Variants in FBXL17 observed in about 807,000 individuals in gnomAD.
FBXL17 encodes F-box/LRR-repeat protein 17.
In FBXL17, 22 loss-of-function variants were observed where a neutral mutation model predicts 66.2. That is an observed-to-expected ratio of 0.33 (90% CI 0.24 to 0.47). The LOEUF is 0.47. FBXL17 is among the 20% of genes least tolerant of loss of function. The pLI, the probability that FBXL17 is intolerant of heterozygous loss-of-function variation, is 1.00. For synonymous variants in FBXL17, 474 were observed against 400.5 expected (o/e 1.18, Z -2.19); for missense variants, 878 against 948.2 (o/e 0.93, Z 0.97).
intron 6 of FBXL17, among the ~76,000 whole-genome samples, chr5:108,107,066 G>C (rs936280730): frequency 6.6e-6 from 1 of 151,924 alleles, no homozygotes; most frequent in Non-Finnish European, 1.5e-5. Flanking sequence ...AAAAATCTCT[G>C]AGCTTAATTT....
chr5:107,878,736 G>A, intron 8 of FBXL17: 1 of 985,426 alleles, frequency 1.0e-6, no homozygotes, highest in Non-Finnish European at 1.2e-6. Context: ...GCTTTTCTGT[G>A]CAAGGCTTTA....
chr5:107,982,801 T>A (rs1180228410), intron 7 of FBXL17, among the ~76,000 whole-genome samples: 1 of 152,184 alleles, frequency 6.6e-6, no homozygotes, highest in Non-Finnish European at 1.5e-5. Flanking sequence ...CTTTCATAAT[T>A]AAGGGTCTGG....
intron 7 of FBXL17, among the ~76,000 whole-genome samples, chr5:107,979,053 G>A (rs1580277330): frequency 6.6e-6 from 1 of 152,292 alleles, no homozygotes; most frequent in South Asian, 2.1e-4. Context: ...GGATAAATAT[G>A]TCTTGTGAAG....
intron 4 of FBXL17, among the ~76,000 whole-genome samples, chr5:108,267,748 G>C (rs985181079): frequency 3.3e-5 from 5 of 151,996 alleles, no homozygotes; most frequent in African/African-American, 1.2e-4. Flanking sequence ...TAAGTGCTAT[G>C]AAGTCAGATA....
Position 108,130,448 on chromosome 5 carries a change from T to A in FBXL17, c.1745+55669A>T, listed in dbSNP as rs182752095. ...CTAAATAGAATGATTACTACGCCTT[T>A]GAATAAGATGTCAGGGGCTGTTATT... is the stretch of plus-strand genomic sequence containing the variant. On this transcript the variant is annotated intron_variant, in intron 6 of 8. Coordinates refer to ENST00000542267, the MANE Select transcript of FBXL17 (RefSeq NM_001163315.3). Among the ~76,000 whole-genome samples, 848 of 152,118 alleles carry A rather than the reference T, an allele frequency of 5.6e-3. 10 individuals are homozygous for A. Among genetic ancestry groups the A allele is most frequent in the African/African-American group, 0.019 (790 of 41,552 alleles).
chr5:108,347,715 T>A (rs1467574370), intron 4 of FBXL17, among the ~76,000 whole-genome samples: 2 of 152,070 alleles, frequency 1.3e-5, no homozygotes, highest in Non-Finnish European at 2.9e-5. Flanking sequence ...GGCACAGGAT[T>A]TTTTTAGGGG....
intron 3 of FBXL17, among the ~76,000 whole-genome samples, chr5:108,355,203 C>CAT (rs1747899824): frequency 6.6e-6 from 1 of 151,674 alleles, no homozygotes; most frequent in Admixed American, 6.6e-5. Flanking sequence ...TATACACACA[C>CAT]ATATATATGC....
chr5:108,340,252 C>CA (rs35588897), intron 4 of FBXL17, among the ~76,000 whole-genome samples: 6,936 of 151,458 alleles, frequency 0.046, 902 homozygotes, highest in East Asian at 0.45. Context: ...ATTATACTGT[C>CA]AAAAAAACGT....
chr5:108,138,999 C>A (rs77624130), intron 6 of FBXL17, among the ~76,000 whole-genome samples: 19,602 of 152,186 alleles, frequency 0.13, 1,372 homozygotes, highest in East Asian at 0.16. Context: ...GCAAGATAAT[C>A]ATTTATCAGG....
chr5:108,302,135 G>T, intron 4 of FBXL17: 1 of 384,350 alleles, frequency 2.6e-6, no homozygotes. Context: ...AAATACATAT[G>T]TCATCCAATG....
At chr5:107,880,002 G>C (rs1412840890) in intron 8 of FBXL17, 10 of 670,172 alleles carry the variant, frequency 1.5e-5, no homozygotes, top group Non-Finnish European at 1.8e-5. Flanking sequence ...TCTTAGACTT[G>C]TTATAGGTAA....
intron 4 of FBXL17, among the ~76,000 whole-genome samples, chr5:108,337,498 C>T (rs73216318): frequency 0.016 from 2,445 of 151,966 alleles, 63 homozygotes; most frequent in African/African-American, 0.054. Flanking sequence ...GAGACATTAC[C>T]GAACTAAAAC....
At chr5:108,083,060 G>A (rs533919721) in intron 6 of FBXL17, among the ~76,000 whole-genome samples, 1 of 152,198 alleles carries the variant, frequency 6.6e-6, no homozygotes, top group East Asian at 1.9e-4. Flanking sequence ...AAGAGGGGAA[G>A]ATATAAGAAA....
At chr5:107,922,716 A>G (rs2112563220) in intron 7 of FBXL17, among the ~76,000 whole-genome samples, 1 of 152,330 alleles carries the variant, frequency 6.6e-6, no homozygotes, top group Non-Finnish European at 1.5e-5. Flanking sequence ...GCTACTTCAT[A>G]TTCAGTCAAA....
chr5:108,242,234 T>C (rs958385456), intron 4 of FBXL17, among the ~76,000 whole-genome samples: 2 of 152,148 alleles, frequency 1.3e-5, no homozygotes, highest in Non-Finnish European at 2.9e-5. Flanking sequence ...ATATAGATAG[T>C]ACAATAAGAG....
At chr5:108,259,869 AAACC>A in intron 4 of FBXL17, among the ~76,000 whole-genome samples, 1 of 152,256 alleles carries the variant, frequency 6.6e-6, no homozygotes, top group African/African-American at 2.4e-5. Flanking sequence ...ACGGTTTTTA[AAACC>A]TAGGCTAAGT....
Position 108,009,206 on chromosome 5 carries a change from T to TGCAGCTTGGTCGTGAGTTGTTCCCTGTA in FBXL17, c.1822+11718_1822+11719insTACAGGGAACAACTCACGACCAAGCTGC, listed in dbSNP as rs1754055768. 2.5e-4 allele frequency among the ~76,000 whole-genome samples: 4 copies of TGCAGCTTGGTCGTGAGTTGTTCCCTGTA among 16,188 alleles called. 1 individual carries two copies. The highest frequency in any genetic ancestry group is 1.1e-3 in the East Asian group (1 of 900). The allele number at this position is 16,188 out of a possible 152,430, so 10.6% of individuals were successfully genotyped here. The stretch of plus-strand genomic sequence containing the variant: ...TTCATTTGAAAAGCATATATATATA[T>TGCAGCTTGGTCGTGAGTTGTTCCCTGTA]ATATATATATATATATATATATATA... On this transcript the variant is annotated intron_variant, in intron 7 of 8. Transcript: ENST00000542267.
chr5:108,325,079 G>T (rs1289656921), intron 4 of FBXL17, among the ~76,000 whole-genome samples: 3 of 152,028 alleles, frequency 2.0e-5, no homozygotes, highest in Admixed American at 2.0e-4. Context: ...TGGGTATAAA[G>T]TTCAGTTTTG....
chr5:108,104,810 T>C (rs976164147), intron 6 of FBXL17, among the ~76,000 whole-genome samples: 2 of 152,096 alleles, frequency 1.3e-5, no homozygotes, highest in Non-Finnish European at 2.9e-5. Flanking sequence ...ATAGAGTACT[T>C]TGGGGAGTAC....
Sources: allele counts gnomAD v4.1 joint callset (sites outside exome capture counted in the v4.1 genomes callset), GRCh38; gene constraint gnomAD v4.1.1; transcripts MANE v1.5; gene names NCBI Gene and HGNC (gene_info 2026-07-23, HGNC 2026-07-21).